Variants in WDR90 observed in about 807,000 individuals in gnomAD.
The protein encoded by WDR90 is WD repeat domain 90.
Under a neutral mutation model 195.2 loss-of-function variants are expected in WDR90, and 238 were observed. The observed-to-expected ratio is 1.22, with a 90% confidence interval of 1.10 to 1.36. The LOEUF (loss-of-function observed/expected upper bound fraction) is 1.36, where lower values mean the gene tolerates loss of function less well. Ranked by LOEUF, WDR90 falls within the 40% of genes most tolerant of loss-of-function variation. The pLI, the probability that WDR90 is intolerant of heterozygous loss-of-function variation, is 0.00. For synonymous variants in WDR90, 1,265 were observed against 1,052.4 expected, an observed-to-expected ratio of 1.20 and a Z score of -3.91; for missense variants, 2,734 against 2,439.5, an observed-to-expected ratio of 1.12 and a Z score of -2.54.
At chr16:659,715 G>T (rs2037852926) in intron 26 of WDR90, among the ~76,000 whole-genome samples, 1 of 152,214 alleles carries the variant, frequency 6.6e-6, no homozygotes, top group South Asian at 2.1e-4. Context: ...GGAGGAGGAG[G>T]CTGGCAGGGC....
intron 27 of WDR90, 33 bp downstream of exon 27, chr16:660,194 C>T (rs1391971871): frequency 6.8e-6 from 10 of 1,476,156 alleles, no homozygotes. Flanking sequence ...CCTCTTTATC[C>T]CCAGCAAGCA....
rs757591766 is a variant in WDR90 at position 651,062 on chromosome 16, G to A, written c.627G>A (p.Val209=). 37 of 1,612,916 alleles carry A rather than the reference G, an allele frequency of 2.3e-5. No homozygotes were observed. Among genetic ancestry groups the A allele is most frequent in the Non-Finnish European group, 3.1e-5 (36 of 1,179,738 alleles). ...TGCCTCGGGAAATGGCATTCCCTGT[G>A]CCCAAGGGAGAGAGCTGGCATGACC... ...TPMPREMAFP[V]PKGESWHDRY... Residue 209 remains valine, a synonymous_variant, in exon 6 of 41, where the codon GTG becomes GTA. Transcript: ENST00000293879.
At chr16:665,130 C>G (rs1044916469) in intron 34 of WDR90, 2 of 195,398 alleles carry the variant, frequency 1.0e-5, no homozygotes, top group Non-Finnish European at 2.1e-5. Flanking sequence ...GTGGCACCTG[C>G]ATAATGACAC....
chr16:659,975 T>C, intron 26 of WDR90, 83 bp from the exon 27 acceptor site: 1 of 1,061,022 alleles, frequency 9.4e-7, no homozygotes, highest in South Asian at 1.5e-5. Context: ...GACCAGGGGC[T>C]TGTGGGGAGA....
chr16:660,961 G>GCCCCCC lies in WDR90; in HGVS notation c.3392-86_3392-85insCCCCCC. 6.0e-6 allele frequency: 2 copies of GCCCCCC among 332,448 alleles called. 1 individual carries two copies. Among genetic ancestry groups the GCCCCCC allele is most frequent in the Non-Finnish European group, 7.3e-6 (2 of 275,698 alleles). The allele number at this position is 332,448 out of a possible 1,614,324, so 20.6% of individuals were successfully genotyped here. The stretch of plus-strand genomic sequence containing the variant: ...GGCCCCGCCCCACGGCTCGGCCCAG[G>GCCCCCC]CCCCGCCCCCTGTTCGGCCCCTCCC... On this transcript the variant is annotated intron_variant, in intron 28 of 40. Coordinates refer to ENST00000293879, the MANE Select transcript of WDR90 (RefSeq NM_145294.5).
chr16:667,478 C>A lies in WDR90; in HGVS notation c.5136C>A (p.Asp1712Glu). ...LVDCAMGTAQ[D>E]FAGHDNAVHL... Reference sequence around the variant, plus strand: ...ACTGTGCCATGGGGACTGCCCAAGACTTTGCCGGCCACGACAACGCAGTGC... The same window carrying A: ...ACTGTGCCATGGGGACTGCCCAAGAATTTGCCGGCCACGACAACGCAGTGC... The change falls in exon 41 of 41, where the codon GAC becomes GAA. Residue 1712 changes from aspartate to glutamate, a missense_variant. Coordinates refer to ENST00000293879, the MANE Select transcript of WDR90 (RefSeq NM_145294.5). The A allele has an allele frequency of 6.2e-7, 1 of 1,610,370 alleles. No homozygotes were observed. The highest frequency in any genetic ancestry group is 1.1e-5 in the South Asian group (1 of 91,032).
chr16:650,031 C>T lies in WDR90; in HGVS notation c.143C>T (p.Ser48Leu). ...GGCGCCGTGTATCGCATTCGGGGCT[C>T]AGTCTCTGCCGCCAACTACATCCAG... The part of the protein sequence containing the change: ...LKGAVYRIRG[S>L]VSAANYIQLP... The change falls in exon 3 of 41, where the codon TCA becomes TTA. Residue 48 changes from serine (S) to leucine (L), a missense_variant. Ser to Leu is a moderately radical substitution (Grantham distance 145). Transcript: ENST00000293879. The T allele has an allele frequency of 6.2e-7, 1 of 1,612,870 alleles. No individual in the cohort carries two copies. Among genetic ancestry groups the T allele is most frequent in the Non-Finnish European group, 8.5e-7 (1 of 1,179,980 alleles).
chr16:663,324 G>A (rs1022889500), intron 34 of WDR90: 2 of 316,924 alleles, frequency 6.3e-6, no homozygotes, highest in Non-Finnish European at 1.2e-5. Context: ...TGTAATCCCA[G>A]CTACTCTGGA....
rs1296296914 is a variant in WDR90 at position 655,884 on chromosome 16, A to T, written c.1961A>T (p.Glu654Val). ...CTGGACTTCTCCTCGGTGCTCCTGG[A>T]GGCAGGTGATGCTGTGGGCACGCTC... ...WPLDFSSVLL[E>V]AEHEGPVSSV... Residue 654 changes from glutamate (E) to valine (V), a missense_variant, in exon 17 of 41, where the codon GAG becomes GTG. Coordinates refer to ENST00000293879, the MANE Select transcript of WDR90 (RefSeq NM_145294.5). 6.3e-7 allele frequency: 1 copy of T among 1,593,522 alleles called. No individual in the cohort carries two copies. Among genetic ancestry groups the T allele is most frequent in the South Asian group, 1.1e-5 (1 of 88,578 alleles).
chr16:656,066 C>A, intron 17 of WDR90, 177 bp downstream of exon 17: 1 of 855,148 alleles, frequency 1.2e-6, no homozygotes, highest in Non-Finnish European at 1.8e-6. Context: ...GGGCGGCCCG[C>A]GGGGCAGCCT....
rs771561529 is a variant in WDR90 at position 656,320 on chromosome 16, G to A, written c.1985G>A (p.Ser662Asn). 1 of 1,603,654 alleles carries A rather than the reference G, an allele frequency of 6.2e-7. No homozygotes were observed. Among genetic ancestry groups the A allele is most frequent in the Admixed American group, 1.7e-5 (1 of 59,884 alleles). Residue 662 changes from serine (S) to asparagine (N), a missense_variant, in exon 18 of 41, where the codon AGC becomes AAC. Coordinates refer to ENST00000293879, the MANE Select transcript of WDR90 (RefSeq NM_145294.5). ...LLEAEHEGPV[S>N]SVCVSPDGLR... The stretch of plus-strand genomic sequence containing the variant: ...CCCACAGAGCACGAGGGCCCCGTCA[G>A]CTCAGTCTGTGTCAGCCCCGATGGC...
At chr16:652,667 C>T (rs1677619634) in intron 10 of WDR90, 132 bp downstream of exon 10, 16 of 965,556 alleles carry the variant, frequency 1.7e-5, no homozygotes, top group South Asian at 3.2e-5. Flanking sequence ...CCTGGCACAG[C>T]GGTCCCGTCC....
At position 666,029 on chromosome 16, in the gene WDR90, G is replaced by C. The variant is rs753632922; in HGVS notation, c.4514G>C (p.Gly1505Ala). 1 of 1,604,512 alleles carries C rather than the reference G, an allele frequency of 6.2e-7. No individual in the cohort carries two copies. Among genetic ancestry groups the C allele is most frequent in the South Asian group, 1.1e-5 (1 of 91,076 alleles). The change falls in exon 36 of 41, where the codon GGC becomes GCC. Residue 1505 changes from glycine (G) to alanine (A), a missense_variant. Transcript: ENST00000293879. ...CGGCTAGCGGCTGGCTACGGTGACG[G>C]CTCCCTGCGCATCTTCAGCGTCTCC... ...QQRLAAGYGD[G>A]SLRIFSVSRT...
rs79682438 is a variant in WDR90 at position 652,524 on chromosome 16, G to A, written c.1111G>A (p.Gly371Ser). ...GGGCGTCATCGGCTTTGGGGGCCAC[G>A]GCACCAGACAGGTGAGGCTCCTGCG... ...LKGVIGFGGH[G>S]TRQALWTPDG... Residue 371 changes from glycine (G) to serine (S), a missense_variant, in exon 10 of 41, where the codon GGC becomes AGC. Gly to Ser is a moderately conservative substitution (Grantham distance 56). Coordinates refer to ENST00000293879, the MANE Select transcript of WDR90 (RefSeq NM_145294.5). 4.0e-3 allele frequency: 6,502 copies of A among 1,609,230 alleles called. 254 individuals carry two copies. The African/African-American group carries it at 0.077, about 19-fold the overall frequency.
intron 13 of WDR90, chr16:654,713 G>C (rs959713752): frequency 6.8e-5 from 26 of 382,450 alleles, no homozygotes; most frequent in African/African-American, 3.5e-4. Context: ...GCCTCCCAAA[G>C]TGCTGGGATC....
In WDR90 at chr16:666,810, C is replaced by A. The variant is rs770110210; in HGVS notation, c.5004+18C>A. On this transcript the variant is annotated intron_variant, in intron 39 of 40. Transcript: ENST00000293879. ...AGAAGCAGGTACACGCAGCTGCCCG[C>A]GTGTCACTGGGAGCCCCAGGGATCC... 3.7e-6 allele frequency: 6 copies of A among 1,612,748 alleles called. No homozygotes were observed. Among genetic ancestry groups the A allele is most frequent in the Non-Finnish European group, 5.1e-6 (6 of 1,179,890 alleles).
chr16:665,379 C>T, intron 34 of WDR90: 1 of 579,040 alleles, frequency 1.7e-6, no homozygotes, highest in Non-Finnish European at 3.1e-6. Flanking sequence ...AGTCTGTAGC[C>T]TGCTAGGGAT....
chr16:665,154 C>G (rs1260702750), intron 34 of WDR90: 1 of 223,732 alleles, frequency 4.5e-6, no homozygotes, highest in South Asian at 9.2e-5. Flanking sequence ...TGCATTTCCC[C>G]CCAATCAGCG....
Position 657,864 on chromosome 16 carries a change from C to T in WDR90, c.2576C>T (p.Thr859Ile), listed in dbSNP as rs926782272. The T allele has an allele frequency of 2.5e-6, 4 of 1,588,082 alleles. No homozygotes were observed. The highest frequency in any genetic ancestry group is 2.3e-5 in the East Asian group (1 of 43,834). The change falls in exon 21 of 41, where the codon ACA becomes ATA. Residue 859 changes from threonine (T) to isoleucine (I), a missense_variant. Transcript: ENST00000293879. ...AFVGPSRCTV[T>I]VMGSASLDEL... is the part of the protein sequence containing the mutation. ...GTGGGACCCTCCAGGTGCACAGTGA[C>T]AGTCATGGGCTCGGCCTCCCTTGAT...
Sources: gnomAD v4.1 joint callset for allele counts (sites outside exome capture counted in the v4.1 genomes callset) on GRCh38, gnomAD v4.1.1 for gene constraint, MANE v1.5 for transcripts, NCBI Gene and HGNC (gene_info 2026-07-23, HGNC 2026-07-21) for gene names.